Variants in FOLH1 observed in about 807,000 individuals in gnomAD.
FOLH1 encodes the protein folate hydrolase 1.
FOLH1 carries 54 observed loss-of-function variants against 93.9 expected under a neutral mutation model. The ratio of observed to expected loss-of-function variants is 0.57; its 90% confidence interval spans 0.46 to 0.72. The LOEUF (loss-of-function observed/expected upper bound fraction) is 0.72, where lower values mean the gene tolerates loss of function less well. Among genes scored for constraint, FOLH1 ranks in the 30% least tolerant of loss-of-function variants. FOLH1 has a pLI of 0.00. For missense variants in FOLH1, 571 were observed against 892.5 expected (o/e 0.64, Z 4.59); for synonymous variants, 249 against 303.6 (o/e 0.82, Z 1.87).
chr11:49,187,484 T>G (rs1282405288), intron 4 of FOLH1, among the ~76,000 whole-genome samples: 1 of 152,210 alleles, frequency 6.6e-6, no homozygotes, highest in Non-Finnish European at 1.5e-5. Flanking sequence ...TAGAAGAAAT[T>G]GTATACAACT....
In FOLH1 at chr11:49,145,787, T is replaced by A. The variant is rs1855753725; in HGVS notation, c.*969A>T. Among the ~76,000 whole-genome samples, 3 of 152,212 alleles carry A rather than the reference T, an allele frequency of 2.0e-5. No homozygotes were observed. The highest frequency in any genetic ancestry group is 7.2e-5 in the African/African-American group (3 of 41,462). ...GTTCCAATGCTGTAACAATTAATAA[T>A]TCTTCATATTAACTTTCCCTATTCA... On this transcript the variant is annotated 3_prime_UTR_variant, in exon 19 of 19. Coordinates refer to ENST00000256999, the MANE Select transcript of FOLH1 (RefSeq NM_004476.3).
intron 2 of FOLH1, among the ~76,000 whole-genome samples, chr11:49,203,455 A>C (rs1863498772): frequency 6.6e-6 from 1 of 152,250 alleles, no homozygotes; most frequent in African/African-American, 2.4e-5. Flanking sequence ...AAGGGGGACC[A>C]GATGGAAGGT....
chr11:49,149,616 T>C (rs1856249456), intron 17 of FOLH1, among the ~76,000 whole-genome samples: 1 of 152,184 alleles, frequency 6.6e-6, no homozygotes, highest in Non-Finnish European at 1.5e-5. Flanking sequence ...TCATTAGTTT[T>C]TCATTAGCTA....
At chr11:49,174,459 A>G (rs1859752464) in intron 9 of FOLH1, among the ~76,000 whole-genome samples, 1 of 152,222 alleles carries the variant, frequency 6.6e-6, no homozygotes, top group Non-Finnish European at 1.5e-5. Context: ...GGTAGAAAAT[A>G]AAACTATGAA....
At chr11:49,157,246 C>T (rs1312755440) in intron 14 of FOLH1, among the ~76,000 whole-genome samples, 1 of 151,716 alleles carries the variant, frequency 6.6e-6, no homozygotes, top group East Asian at 1.9e-4. Context: ...AAGATACAAC[C>T]AATGTTGAAA....
Position 49,185,685 on chromosome 11 carries a change from T to C in FOLH1, c.810A>G (p.Pro270=), listed in dbSNP as rs780996204. The C allele has an allele frequency of 1.9e-6, 3 of 1,613,826 alleles. No homozygotes were observed. The Admixed American group carries it at 5.0e-5, about 27-fold the overall frequency. The part of the protein sequence containing the change: ...NLNGAGDPLT[P]GYPANEYAYR... The stretch of plus-strand genomic sequence containing the variant: ...ATCATTCACCATTTGCTGGGTAACC[T>C]GGTGTGAGAGGGTCTCCTGCACCAT... Residue 270 remains proline, a synonymous_variant, in exon 6 of 19, where the codon CCA becomes CCG. Transcript: ENST00000256999.
intron 16 of FOLH1, 143 bp from the exon 17 acceptor site, chr11:49,154,070 G>A (rs1856751333): frequency 7.4e-7 from 1 of 1,342,358 alleles, no homozygotes; most frequent in Non-Finnish European, 1.0e-6. Flanking sequence ...TATAAGACGT[G>A]AGCATCCATA....
At chr11:49,196,997 C>T (rs1161315374) in intron 3 of FOLH1, among the ~76,000 whole-genome samples, 1 of 152,100 alleles carries the variant, frequency 6.6e-6, no homozygotes, top group Admixed American at 6.6e-5. Context: ...TGGATAGAAG[C>T]TAAAATGAAA....
At chr11:49,202,371 G>T (rs1487309708) in intron 2 of FOLH1, among the ~76,000 whole-genome samples, 1 of 152,036 alleles carries the variant, frequency 6.6e-6, no homozygotes, top group Non-Finnish European at 1.5e-5. Context: ...CTGTAGGGCT[G>T]CTTTAAATGT....
At chr11:49,178,712 A>G (rs1860385370) in intron 7 of FOLH1, among the ~76,000 whole-genome samples, 1 of 152,194 alleles carries the variant, frequency 6.6e-6, no homozygotes, top group South Asian at 2.1e-4. Flanking sequence ...TTAATAGTTG[A>G]ATATTAAAAT....
At chr11:49,208,183 C>A (rs1490126743) in intron 1 of FOLH1, 109 bp downstream of exon 1, 2 of 813,422 alleles carry the variant, frequency 2.5e-6, no homozygotes, top group Non-Finnish European at 3.9e-6. Context: ...AATCGCCGCC[C>A]CTGGGGAAGA....
At chr11:49,161,757 G>A (rs911829471) in intron 13 of FOLH1, among the ~76,000 whole-genome samples, 2 of 152,152 alleles carry the variant, frequency 1.3e-5, no homozygotes, top group Non-Finnish European at 2.9e-5. Flanking sequence ...GTCGTGGATG[G>A]TGATAGTCTT....
At chr11:49,199,234 G>T (rs1370628132) in intron 3 of FOLH1, among the ~76,000 whole-genome samples, 2 of 152,078 alleles carry the variant, frequency 1.3e-5, no homozygotes, top group Non-Finnish European at 2.9e-5. Context: ...AATAGAAATG[G>T]ACTCTTCTAC....
chr11:49,207,576 C>A (rs1864117507), intron 1 of FOLH1, among the ~76,000 whole-genome samples: 2 of 151,924 alleles, frequency 1.3e-5, no homozygotes, highest in African/African-American at 4.8e-5. Context: ...AATAAAGTGG[C>A]GAAAATCCCA....
At chr11:49,189,411 T>G (rs1455854584) in intron 4 of FOLH1, among the ~76,000 whole-genome samples, 1 of 152,218 alleles carries the variant, frequency 6.6e-6, no homozygotes, top group African/African-American at 2.4e-5. Context: ...AAGCTGATTC[T>G]AGGATTAATT....
At chr11:49,197,085 G>A (rs2135287493) in intron 3 of FOLH1, among the ~76,000 whole-genome samples, 1 of 152,198 alleles carries the variant, frequency 6.6e-6, no homozygotes, top group Admixed American at 6.5e-5. Flanking sequence ...CATGAGAAAT[G>A]AACTCATCTG....
chr11:49,205,017 C>T (rs1251474386), intron 2 of FOLH1, among the ~76,000 whole-genome samples: 2 of 152,082 alleles, frequency 1.3e-5, no homozygotes, highest in Non-Finnish European at 2.9e-5. Context: ...TTGAGACCAG[C>T]TTGACCAACA....
rs1411670139 is a variant in FOLH1, at chr11:49,145,824, G to A, written c.*932C>T. 6.6e-6 allele frequency among the ~76,000 whole-genome samples: 1 copy of A among 152,058 alleles called. No homozygotes were observed. The highest frequency in any genetic ancestry group is 2.4e-5 in the African/African-American group (1 of 41,408). The stretch of plus-strand genomic sequence containing the variant: ...ACTTTCCCTATTCACATTACTGTAT[G>A]TTTTCTCTGTCTTGATGGACCCTGA... On this transcript the variant is annotated 3_prime_UTR_variant, in exon 19 of 19. Coordinates refer to ENST00000256999, the MANE Select transcript of FOLH1 (RefSeq NM_004476.3).
intron 3 of FOLH1, among the ~76,000 whole-genome samples, chr11:49,194,075 C>T (rs1235541740): frequency 6.7e-6 from 1 of 149,086 alleles, no homozygotes; most frequent in East Asian, 2.0e-4. Flanking sequence ...TCACTTGAAC[C>T]CAGCAGGCAA....
Sources: allele counts gnomAD v4.1 joint callset (sites outside exome capture counted in the v4.1 genomes callset), GRCh38; gene constraint gnomAD v4.1.1; transcripts MANE v1.5; gene names NCBI Gene and HGNC (gene_info 2026-07-23, HGNC 2026-07-21).